Variants in CDH13 observed in about 807,000 individuals in gnomAD.
The protein encoded by CDH13 is cadherin 13, also known as cadherin-13.
In CDH13, 24 loss-of-function variants were observed where a neutral mutation model predicts 63.8. That is an observed-to-expected ratio of 0.38 (90% CI 0.27 to 0.53). The LOEUF is 0.53. Ranked by LOEUF, CDH13 falls within the 20% of genes least tolerant of loss-of-function variation. The pLI is 0.85. For synonymous variants in CDH13, 503 were observed against 355.3 expected (o/e 1.42, Z -4.67); for missense variants, 1,049 against 903.1 (o/e 1.16, Z -2.07).
chr16:83,580,286 G>GACTTAC (rs1335918213), intron 7 of CDH13, among the ~76,000 whole-genome samples: 2 of 152,218 alleles, frequency 1.3e-5, no homozygotes, highest in East Asian at 3.9e-4. Context: ...TTTGTGGCCT[G>GACTTAC]ACTTACAGGA....
chr16:83,032,687 G>C (rs2151475539), intron 3 of CDH13, among the ~76,000 whole-genome samples: 1 of 152,228 alleles, frequency 6.6e-6, no homozygotes, highest in Middle Eastern at 3.4e-3. Flanking sequence ...GTTAGATCAT[G>C]TGTCCACCCC....
At chr16:83,446,730 T>C (rs562143035) in intron 6 of CDH13, among the ~76,000 whole-genome samples, 2 of 152,150 alleles carry the variant, frequency 1.3e-5, no homozygotes, top group East Asian at 1.9e-4. Flanking sequence ...TTATCTAGTC[T>C]GCTACAACAT....
At chr16:82,680,744 T>A (rs965560992) in intron 1 of CDH13, among the ~76,000 whole-genome samples, 3 of 152,146 alleles carry the variant, frequency 2.0e-5, no homozygotes, top group Admixed American at 6.5e-5. Flanking sequence ...CTTTCCGTAC[T>A]TGAGGCCTAT....
intron 4 of CDH13, among the ~76,000 whole-genome samples, chr16:83,191,524 C>CATATAT (rs2038710265): frequency 9.9e-6 from 1 of 100,530 alleles, no homozygotes; most frequent in South Asian, 3.7e-4. Context: ...CACACACACA[C>CATATAT]ACACACATAT....
chr16:83,794,706 T>C (rs933912910), intron 13 of CDH13, among the ~76,000 whole-genome samples: 6 of 152,076 alleles, frequency 3.9e-5, no homozygotes, highest in Non-Finnish European at 8.8e-5. Flanking sequence ...AGCATGCTCA[T>C]AAAATAGCCA....
intron 4 of CDH13, among the ~76,000 whole-genome samples, chr16:83,147,677 T>C (rs1444703693): frequency 6.6e-6 from 1 of 152,134 alleles, no homozygotes; most frequent in Non-Finnish European, 1.5e-5. Context: ...AAGGGACAAC[T>C]CATTCCTTTG....
intron 1 of CDH13, among the ~76,000 whole-genome samples, chr16:82,772,835 T>C (rs1409358645): frequency 1.3e-5 from 2 of 152,190 alleles, no homozygotes; most frequent in African/African-American, 4.8e-5. Flanking sequence ...AATGCAAAGA[T>C]TGAATAACTT....
intron 1 of CDH13, among the ~76,000 whole-genome samples, chr16:82,774,755 C>G (rs1490964967): frequency 6.6e-6 from 1 of 152,208 alleles, no homozygotes; most frequent in Non-Finnish European, 1.5e-5. Flanking sequence ...TGAACAGTCA[C>G]AGATCTCAGA....
At chr16:83,725,294 C>G (rs7186539) in intron 10 of CDH13, among the ~76,000 whole-genome samples, 2 of 152,134 alleles carry the variant, frequency 1.3e-5, no homozygotes, top group Non-Finnish European at 2.9e-5. Context: ...ACAGGCAGGA[C>G]TGCAACGGGT....
chr16:83,223,433 A>G (rs1387824989), intron 5 of CDH13, among the ~76,000 whole-genome samples: 2 of 152,250 alleles, frequency 1.3e-5, no homozygotes, highest in Non-Finnish European at 2.9e-5. Context: ...ACCTCCCAGC[A>G]CCATTACATT....
chr16:83,780,274 T>C, intron 12 of CDH13, 73 bp downstream of exon 12: 3 of 932,938 alleles, frequency 3.2e-6, no homozygotes, highest in Non-Finnish European at 4.9e-6. Context: ...AAATGCTGTT[T>C]CTCTACTGTT....
At chr16:82,729,709 T>C (rs1440739572) in intron 1 of CDH13, among the ~76,000 whole-genome samples, 1 of 152,188 alleles carries the variant, frequency 6.6e-6, no homozygotes, top group Non-Finnish European at 1.5e-5. Flanking sequence ...AGAGTCAGCC[T>C]GTCCTTTGAA....
chr16:83,180,658 A>T (rs578261545), intron 4 of CDH13, among the ~76,000 whole-genome samples: 17 of 152,222 alleles, frequency 1.1e-4, no homozygotes, highest in Non-Finnish European at 1.9e-4. Context: ...TTATCTTGGA[A>T]CTATGCAGAC....
At chr16:83,157,805 C>T (rs995494804) in intron 4 of CDH13, among the ~76,000 whole-genome samples, 4 of 149,904 alleles carry the variant, frequency 2.7e-5, no homozygotes, top group East Asian at 2.0e-4. Context: ...CCCAGCAACT[C>T]GGGAGGCAGA....
At position 83,117,026 on chromosome 16, in the gene CDH13, A is replaced by G. The variant is rs182745016; in HGVS notation, c.367-8359A>G. Among the ~76,000 whole-genome samples the G allele has an allele frequency of 5.7e-4, 87 of 152,360 alleles. No homozygotes were observed. The East Asian group carries it at 0.015, about 27-fold the overall frequency. On this transcript the variant is annotated intron_variant, in intron 3 of 13. Coordinates refer to ENST00000567109, the MANE Select transcript of CDH13 (RefSeq NM_001257.5). Reference sequence around the variant, plus strand: ...GGACGATGAGCGCTGAGCTACAGTGAATGTAGCTTGTTATCTTACGACAGA... The same window carrying G: ...GGACGATGAGCGCTGAGCTACAGTGGATGTAGCTTGTTATCTTACGACAGA...
rs912947384 is a variant in CDH13 at position 82,779,637 on chromosome 16, A to C, written c.46-78725A>C. On this transcript the variant is annotated intron_variant, in intron 1 of 13. Transcript: ENST00000567109. ...AAGATTTAAACAAACCTCATAATTT[A>C]CCTGTAACCGACAGCTCTCCTTGGA... Among the ~76,000 whole-genome samples, 75 of 152,280 alleles carry C rather than the reference A, an allele frequency of 4.9e-4. 1 individual carries two copies. The highest frequency in any genetic ancestry group is 1.8e-3 in the African/African-American group (74 of 41,536).
intron 7 of CDH13, among the ~76,000 whole-genome samples, chr16:83,539,442 AG>A (rs1406049931): frequency 6.6e-6 from 1 of 152,176 alleles, no homozygotes; most frequent in Non-Finnish European, 1.5e-5. Flanking sequence ...GTGTGTAGCC[AG>A]GGGGCTGGAG....
chr16:83,589,722 C>T (rs1567788939), intron 7 of CDH13, among the ~76,000 whole-genome samples: 1 of 152,004 alleles, frequency 6.6e-6, no homozygotes, highest in African/African-American at 2.4e-5. Flanking sequence ...ACAGGACGGA[C>T]GTGTGAAGGG....
At chr16:82,990,453 G>A (rs7193416) in intron 2 of CDH13, among the ~76,000 whole-genome samples, 12 of 151,884 alleles carry the variant, frequency 7.9e-5, no homozygotes, top group African/African-American at 1.9e-4. Flanking sequence ...CTGGACTTAC[G>A]TTCAGGATTT....
Sources: gnomAD v4.1 joint callset for allele counts (sites outside exome capture counted in the v4.1 genomes callset) on GRCh38, gnomAD v4.1.1 for gene constraint, MANE v1.5 for transcripts, NCBI Gene and HGNC (gene_info 2026-07-23, HGNC 2026-07-21) for gene names.